Variants in ZBTB7C observed in about 807,000 individuals in gnomAD.
ZBTB7C encodes the protein zinc finger and BTB domain-containing protein 7C.
ZBTB7C carries 8 observed loss-of-function variants against 25.7 expected under a neutral mutation model. That is an observed-to-expected ratio of 0.31 (90% CI 0.18 to 0.56). ZBTB7C has a LOEUF of 0.56. ZBTB7C is among the 20% of genes least tolerant of loss of function. The pLI is 0.91. For missense variants in ZBTB7C, 824 were observed against 855.2 expected (o/e 0.96, Z 0.46); for synonymous variants, 394 against 369.0 (o/e 1.07, Z -0.78).
At chr18:48,157,646 C>T (rs2040877709) in intron 3 of ZBTB7C, among the ~76,000 whole-genome samples, 1 of 152,224 alleles carries the variant, frequency 6.6e-6, no homozygotes, top group African/African-American at 2.4e-5. Flanking sequence ...ACTCTGCATC[C>T]TGGCTCTGCT....
At chr18:48,135,533 G>A (rs530068956) in intron 3 of ZBTB7C, among the ~76,000 whole-genome samples, 48 of 152,152 alleles carry the variant, frequency 3.2e-4, no homozygotes, top group Non-Finnish European at 6.6e-4. Context: ...AGTCTTTTTT[G>A]GGAGAGTGGG....
intron 3 of ZBTB7C, chr18:48,169,790 A>G (rs1302590785): frequency 6.7e-6 from 1 of 149,360 alleles, no homozygotes; most frequent in African/African-American, 2.4e-5. Flanking sequence ...TCTTAAAGAT[A>G]TGGACTGCTT....
intron 2 of ZBTB7C, among the ~76,000 whole-genome samples, chr18:48,325,311 T>C (rs951197719): frequency 1.4e-4 from 22 of 152,184 alleles, no homozygotes; most frequent in Non-Finnish European, 2.4e-4. Context: ...TTATCAGATC[T>C]GACAAGATCA....
At chr18:48,097,743 C>T (rs1438235901) in intron 3 of ZBTB7C, among the ~76,000 whole-genome samples, 1 of 152,170 alleles carries the variant, frequency 6.6e-6, no homozygotes, top group South Asian at 2.1e-4. Context: ...ATAGCTTTCC[C>T]GGCTCCAGTC....
chr18:48,127,272 C>T (rs552897882), intron 3 of ZBTB7C, among the ~76,000 whole-genome samples: 1 of 152,326 alleles, frequency 6.6e-6, no homozygotes, highest in South Asian at 2.1e-4. Flanking sequence ...ACTGCTTCAT[C>T]ATCAGTCCCA....
At chr18:48,236,236 T>C (rs1042565142) in intron 2 of ZBTB7C, among the ~76,000 whole-genome samples, 4 of 152,262 alleles carry the variant, frequency 2.6e-5, no homozygotes, top group Non-Finnish European at 5.9e-5. Context: ...TGATTCCCTA[T>C]GTCCAAGTTT....
chr18:48,137,532 A>G (rs1411396746), intron 3 of ZBTB7C, among the ~76,000 whole-genome samples: 1 of 152,146 alleles, frequency 6.6e-6, no homozygotes, highest in Non-Finnish European at 1.5e-5. Flanking sequence ...TTTTAGAGGC[A>G]ATTTATTTCC....
intron 1 of ZBTB7C, among the ~76,000 whole-genome samples, chr18:48,405,584 C>T (rs1253370064): frequency 1.3e-5 from 2 of 152,232 alleles, no homozygotes; most frequent in Non-Finnish European, 2.9e-5. Flanking sequence ...CATCGTTTCT[C>T]AGCCTTTTGG....
chr18:48,222,430 C>T (rs2042985973), intron 2 of ZBTB7C, among the ~76,000 whole-genome samples: 1 of 152,164 alleles, frequency 6.6e-6, no homozygotes, highest in Non-Finnish European at 1.5e-5. Context: ...GGAACCACAG[C>T]CTTGTGTTGA....
At chr18:48,365,764 C>T (rs780235571) in intron 1 of ZBTB7C, among the ~76,000 whole-genome samples, 1 of 152,132 alleles carries the variant, frequency 6.6e-6, no homozygotes, top group Non-Finnish European at 1.5e-5. Context: ...TGTGGCAATT[C>T]GTTAGGCAGC....
At chr18:48,108,742 G>A (rs2039125023) in intron 3 of ZBTB7C, among the ~76,000 whole-genome samples, 1 of 152,050 alleles carries the variant, frequency 6.6e-6, no homozygotes, top group African/African-American at 2.4e-5. Context: ...GGCTGGCACT[G>A]TTTTTCTAAG....
At chr18:48,113,534 A>G (rs1172385121) in intron 3 of ZBTB7C, among the ~76,000 whole-genome samples, 1 of 152,222 alleles carries the variant, frequency 6.6e-6, no homozygotes, top group Non-Finnish European at 1.5e-5. Context: ...GGCCCAGGCC[A>G]CTTACCCTCA....
At chr18:48,298,901 C>T (rs1327798536) in intron 2 of ZBTB7C, among the ~76,000 whole-genome samples, 3 of 152,196 alleles carry the variant, frequency 2.0e-5, no homozygotes, top group African/African-American at 7.2e-5. Context: ...GGCATGTGTG[C>T]ATCACATCTT....
In ZBTB7C at chr18:48,275,984, G is replaced by A. The variant is rs1166391810; in HGVS notation, c.-79+62190C>T. Among the ~76,000 whole-genome samples, 5 of 152,264 alleles carry A rather than the reference G, an allele frequency of 3.3e-5. No individual in the cohort carries two copies. The East Asian group carries it at 9.7e-4, about 29-fold the overall frequency. On this transcript the variant is annotated intron_variant, in intron 2 of 4. Transcript: ENST00000590800. ...ATCGAAGGCATGGGATCCTGGAAAT[G>A]GACTCAAGATACAGAGGGAGGAGGG...
chr18:48,154,001 C>T lies in ZBTB7C; in HGVS notation c.-17+31933G>A, dbSNP rs555864558. Among the ~76,000 whole-genome samples, 6 of 152,270 alleles carry T rather than the reference C, an allele frequency of 3.9e-5. No homozygotes were observed. The South Asian group carries it at 1.2e-3, about 32-fold the overall frequency. The stretch of plus-strand genomic sequence containing the variant: ...TGATGGCTGTGGCTCAGGGTCATGG[C>T]TGGGAAACTCGGAAAGGGAGGTCTC... On this transcript the variant is annotated intron_variant, in intron 3 of 4. Transcript: ENST00000590800.
chr18:48,132,395 T>A (rs941678480), intron 3 of ZBTB7C, among the ~76,000 whole-genome samples: 7 of 152,148 alleles, frequency 4.6e-5, no homozygotes, highest in Non-Finnish European at 1.5e-5. Context: ...AAAGGTAGAT[T>A]ATTGGTAACC....
chr18:48,387,830 T>TTTGTTG (rs35932357), intron 1 of ZBTB7C, among the ~76,000 whole-genome samples: 8 of 144,572 alleles, frequency 5.5e-5, no homozygotes, highest in South Asian at 2.2e-4. Context: ...TTTGGTTTGG[T>TTTGTTG]TTGTTGTTGT....
intron 3 of ZBTB7C, among the ~76,000 whole-genome samples, chr18:48,063,424 C>T (rs971211592): frequency 6.6e-6 from 1 of 152,226 alleles, no homozygotes; most frequent in Non-Finnish European, 1.5e-5. Flanking sequence ...GAGGGGGCAG[C>T]CCTCTGCCCT....
intron 1 of ZBTB7C, among the ~76,000 whole-genome samples, chr18:48,366,297 A>G (rs1016718584): frequency 6.6e-6 from 1 of 152,250 alleles, no homozygotes; most frequent in Non-Finnish European, 1.5e-5. Context: ...TTTGGATGAC[A>G]TGTATGAAAG....
Sources: gnomAD v4.1 joint callset for allele counts (sites outside exome capture counted in the v4.1 genomes callset) on GRCh38, gnomAD v4.1.1 for gene constraint, MANE v1.5 for transcripts, NCBI Gene and HGNC (gene_info 2026-07-23, HGNC 2026-07-21) for gene names.